The following CROCC variants were observed in gnomAD, a reference collection of about 807,000 sequenced individuals.
CROCC encodes the protein ciliary rootlet coiled-coil, rootletin.
Under a neutral mutation model 245.2 loss-of-function variants are expected in CROCC, and 180 were observed. The ratio of observed to expected loss-of-function variants is 0.73; its 90% confidence interval spans 0.65 to 0.83. CROCC has a LOEUF of 0.83. CROCC is among the 40% of genes least tolerant of loss of function. The pLI, the probability that CROCC is intolerant of heterozygous loss-of-function variation, is 0.00. For synonymous variants in CROCC, 1,205 were observed against 1,241.6 expected (o/e 0.97, Z 0.62); for missense variants, 2,688 against 2,779.4 (o/e 0.97, Z 0.74).
upstream of CROCC, among the ~76,000 whole-genome samples, chr1:16,920,641 C>A (rs1389394951): frequency 6.6e-6 from 1 of 152,236 alleles, no homozygotes; most frequent in Non-Finnish European, 1.5e-5. Context: ...GAGCTGTGCG[C>A]CTAAGCACTA....
Position 16,968,447 on chromosome 1 carries a change from G to A in CROCC, c.5076+29G>A, listed in dbSNP as rs994084711. On this transcript the variant is annotated intron_variant, in intron 31 of 36. Coordinates refer to ENST00000375541, the MANE Select transcript of CROCC (RefSeq NM_014675.5). ...GGCCCCTCCCCAAATCACAGCCACAGTGTTCACATGCCCTGTGCCAAGAGC... is the reference window on the plus strand; with the variant it reads ...GGCCCCTCCCCAAATCACAGCCACAATGTTCACATGCCCTGTGCCAAGAGC... 2.1e-6 allele frequency: 3 copies of A among 1,457,638 alleles called. No individual in the cohort carries two copies. In the Admixed American group the frequency reaches 8.1e-5, roughly 39 times the overall value. The allele number at this position is 1,457,638 out of a possible 1,614,324, so 90.3% of individuals were successfully genotyped here. A position where few individuals can be genotyped will look rare whatever the true frequency, so the allele number is the denominator to read the frequency against.
At chr1:16,955,643 G>A in intron 24 of CROCC, 93 bp downstream of exon 24, 1 of 1,140,088 alleles carries the variant, frequency 8.8e-7, no homozygotes, top group South Asian at 1.6e-5. Flanking sequence ...AAATTGCCCA[G>A]ATACGGATCC....
chr1:16,931,324 C>G lies in CROCC; in HGVS notation c.883C>G (p.Arg295Gly). 6.2e-7 allele frequency: 1 copy of G among 1,612,564 alleles called. No homozygotes were observed. Among genetic ancestry groups the G allele is most frequent in the Non-Finnish European group, 8.5e-7 (1 of 1,178,974 alleles). ...FNAYFSNEHS[R>G]LLLLWRQVVG... The stretch of plus-strand genomic sequence containing the variant: ...CGCCTACTTCAGCAACGAGCACAGT[C>G]GCCTGCTCCTCCTCTGGAGGCAGGT... Residue 295 changes from arginine to glycine, a missense_variant, in exon 8 of 37, where the codon CGC becomes GGC. Physicochemically the swap from Arg to Gly is moderately radical, Grantham distance 125 (BLOSUM62 -2). Transcript: ENST00000375541.
rs1425181357 is a variant in CROCC at position 16,935,522 on chromosome 1, GCCATTCTCCTGCCTCAGCCT to G, written c.957-1112_957-1093del. Among the ~76,000 whole-genome samples the G allele has an allele frequency of 4.6e-5, 7 of 152,382 alleles. No individual in the cohort carries two copies. In the East Asian group the frequency reaches 1.3e-3, roughly 29 times the overall value. On this transcript the variant is annotated intron_variant, in intron 8 of 36. Transcript: ENST00000375541. ...TGCAAGCTCCGCCTCCTGGGTTCAC[GCCATTCTCCTGCCTCAGCCT>G]CCCGAGTAGCTGGGACTACAGGCGC...
chr1:16,930,651 G>A, intron 7 of CROCC, 57 bp downstream of exon 7: 8 of 1,552,296 alleles, frequency 5.2e-6, no homozygotes, highest in Non-Finnish European at 7.0e-6. Context: ...GCACTGCAGA[G>A]GAGGGAGGAC....
chr1:16,927,195 A>G (rs1482467033), intron 3 of CROCC, among the ~76,000 whole-genome samples: 2 of 152,270 alleles, frequency 1.3e-5, no homozygotes, highest in African/African-American at 2.4e-5. Context: ...TTCACAGAAT[A>G]TGCACAGTGT....
At chr1:16,951,838 T>C (rs1220791372) in intron 20 of CROCC, 4 of 157,718 alleles carry the variant, frequency 2.5e-5, no homozygotes, top group Non-Finnish European at 5.6e-5. Flanking sequence ...CCCCTGGCCT[T>C]GGGTGGTTGT....
chr1:16,927,115 A>C (rs1017167113), intron 3 of CROCC, among the ~76,000 whole-genome samples: 1 of 152,258 alleles, frequency 6.6e-6, no homozygotes, highest in African/African-American at 2.4e-5. Context: ...ACACAGACAC[A>C]CAGATGCACA....
At chr1:16,937,388 C>T (rs1229094813) in intron 9 of CROCC, among the ~76,000 whole-genome samples, 1 of 152,184 alleles carries the variant, frequency 6.6e-6, no homozygotes, top group African/African-American at 2.4e-5. Context: ...ACTCGTGCCC[C>T]TTACTCCTGC....
At chr1:16,916,619 G>T (rs1220781329) in intron 1 of CROCC, among the ~76,000 whole-genome samples, 3 of 152,270 alleles carry the variant, frequency 2.0e-5, no homozygotes, top group African/African-American at 7.2e-5. Context: ...CAATCCTCCT[G>T]CCTCAGCCTC....
In CROCC at chr1:16,972,359, G is replaced by C; in HGVS notation, c.5968-1G>C. 6.2e-7 allele frequency: 1 copy of C among 1,613,700 alleles called. No individual in the cohort carries two copies. The highest frequency in any genetic ancestry group is 1.1e-5 in the South Asian group (1 of 91,000). On this transcript the variant is annotated splice_acceptor_variant, in intron 36 of 36. Transcript: ENST00000375541. LOFTEE classifies it high-confidence loss of function. ...GGCCTTACCTTCCCTTTCTTCCCCA[G>C]GTGTCCACACTGAAGGGCCAGCTGC... is the stretch of plus-strand genomic sequence containing the variant.
chr1:16,921,915 C>G, upstream of CROCC: 1 of 1,236,340 alleles, frequency 8.1e-7, no homozygotes, highest in Non-Finnish European at 1.1e-6. Flanking sequence ...TAAGCTTAAT[C>G]TGCCTGGTGC....
At chr1:16,939,352 G>A (rs541608234) in intron 12 of CROCC, among the ~76,000 whole-genome samples, 49 of 152,356 alleles carry the variant, frequency 3.2e-4, no homozygotes, top group African/African-American at 1.1e-3. Flanking sequence ...CGGTGAAGCC[G>A]AGCCCAGAAG....
At chr1:16,948,241 A>C (rs1210730878) in intron 17 of CROCC, 90 bp from the exon 18 acceptor site, 6 of 1,443,672 alleles carry the variant, frequency 4.2e-6, no homozygotes, top group Non-Finnish European at 5.4e-6. Flanking sequence ...GCCTTCTGCC[A>C]GGACTGGGTT....
chr1:16,925,778 A>G (rs2075520656), intron 3 of CROCC, among the ~76,000 whole-genome samples: 1 of 152,276 alleles, frequency 6.6e-6, no homozygotes, highest in Admixed American at 6.5e-5. Flanking sequence ...TGGGACTTGT[A>G]GAGGAGCAGA....
chr1:16,934,892 C>CTTTTTTTTTT (rs556637657), intron 8 of CROCC, among the ~76,000 whole-genome samples: 10 of 128,492 alleles, frequency 7.8e-5, no homozygotes, highest in African/African-American at 1.1e-4. Flanking sequence ...TCAGCAGTTT[C>CTTTTTTTTTT]TTTTTTTTTT....
In CROCC at chr1:16,944,280, C is replaced by T. The variant is rs1392791824; in HGVS notation, c.1989C>T (p.Arg663=). The T allele has an allele frequency of 6.5e-7, 1 of 1,533,818 alleles. No individual in the cohort carries two copies. The highest frequency in any genetic ancestry group is 8.8e-7 in the Non-Finnish European group (1 of 1,138,154). Residue 663 remains arginine, a splice_region_variant and synonymous_variant, in exon 14 of 37, where the codon CGC becomes CGT. Coordinates refer to ENST00000375541, the MANE Select transcript of CROCC (RefSeq NM_014675.5). ...CGCGGGTGCGCCGGGAGCTTGAGCG[C>T]AGGTGAGCAGCATCTCGCCACCCTG... ...DGARVRRELE[R]SHRQLEQLEG... is the part of the protein sequence containing the mutation.
chr1:16,916,702 G>A (rs1427393577), intron 1 of CROCC, among the ~76,000 whole-genome samples: 1 of 152,274 alleles, frequency 6.6e-6, no homozygotes, highest in African/African-American at 2.4e-5. Flanking sequence ...TGGCAGAGAT[G>A]GAGTCTCACT....
intron 3 of CROCC, among the ~76,000 whole-genome samples, chr1:16,927,313 T>G (rs1410546395): frequency 1.3e-5 from 2 of 152,180 alleles, no homozygotes; most frequent in Non-Finnish European, 2.9e-5. Flanking sequence ...GCACGCTATC[T>G]CCCACCTCAT....
Sources: allele counts gnomAD v4.1 joint callset (sites outside exome capture counted in the v4.1 genomes callset), GRCh38; gene constraint gnomAD v4.1.1; transcripts MANE v1.5; gene names NCBI Gene and HGNC (gene_info 2026-07-23, HGNC 2026-07-21).